POTEC: variants seen among roughly 807,000 people sequenced by gnomAD.
POTEC encodes the protein POTE ankyrin domain family member C, also known as ANKRD26-like family B member 2.
Under a neutral mutation model 62.0 loss-of-function variants are expected in POTEC, and 35 were observed. That is an observed-to-expected ratio of 0.56 (90% confidence interval 0.43 to 0.75). The LOEUF is 0.75. Among genes scored for constraint, POTEC ranks in the 30% least tolerant of loss-of-function variants. The pLI, the probability that POTEC is intolerant of heterozygous loss-of-function variation, is 0.00. For synonymous variants in POTEC, 156 were observed against 221.5 expected (o/e 0.70, Z 2.62); for missense variants, 472 against 655.9 (o/e 0.72, Z 3.06).
rs369818798 is a variant in POTEC at position 14,537,860 on chromosome 18, C to A, written c.751G>T (p.Asp251Tyr). 5.0e-6 allele frequency: 8 copies of A among 1,612,084 alleles called. No individual in the cohort carries two copies. The African/African-American group carries it at 1.1e-4, about 22-fold the overall frequency. ...TTLHYAVHNE[D>Y]KLMAKALLLY... ...AGCAGTGCTTTGGCCATTAATTTAT[C>A]TTCATTGTGGACAGCATAGTGTAGA... The change falls in exon 3 of 11, where the codon GAT becomes TAT. Residue 251 changes from aspartate to tyrosine, a missense_variant. Transcript: ENST00000358970.
chr18:14,541,290 G>A (rs1905923945), intron 1 of POTEC, among the ~76,000 whole-genome samples: 1 of 152,078 alleles, frequency 6.6e-6, no homozygotes, highest in South Asian at 2.1e-4. Flanking sequence ...ATGTGCACAG[G>A]TCACTGGTAG....
chr18:14,538,391 T>C (rs1223992115), intron 1 of POTEC, 142 bp from the exon 2 acceptor site: 1 of 627,720 alleles, frequency 1.6e-6, no homozygotes, highest in Non-Finnish European at 2.8e-6. Flanking sequence ...GCACACTACT[T>C]ATTACCTCTC....
chr18:14,542,232 T>A (rs1905958015), intron 1 of POTEC, among the ~76,000 whole-genome samples: 1 of 152,212 alleles, frequency 6.6e-6, no homozygotes, highest in African/African-American at 2.4e-5. Flanking sequence ...AAATCCATAT[T>A]GGATTTTATT....
chr18:14,529,140 T>C, intron 6 of POTEC: 1 of 376,114 alleles, frequency 2.7e-6, no homozygotes, highest in Non-Finnish European at 5.1e-6. Context: ...TGGCACATAA[T>C]TAATATATAA....
chr18:14,517,563 TAA>T lies in POTEC; in HGVS notation c.1410-3780_1410-3779del, dbSNP rs59611244. On this transcript the variant is annotated intron_variant, in intron 9 of 10. Coordinates refer to ENST00000358970, the MANE Select transcript of POTEC (RefSeq NM_001137671.2). Reference sequence around the variant, plus strand: ...GTGCCACCCTAATTTTTTTTTTTTTTAAAATAAAATACTAGTGGCCAGGCGCA... The same window carrying T: ...GTGCCACCCTAATTTTTTTTTTTTTTAATAAAATACTAGTGGCCAGGCGCA... 8.3e-3 allele frequency among the ~76,000 whole-genome samples: 1,086 copies of T among 131,138 alleles called. 12 individuals are homozygous for T. Among genetic ancestry groups the T allele is most frequent in the African/African-American group, 0.031 (1,037 of 33,002 alleles). 86.0% of individuals were successfully genotyped at this position (131,138 alleles called of 152,430 possible). A position where few individuals can be genotyped will look rare whatever the true frequency, so the allele number is the denominator to read the frequency against.
Position 14,543,125 on chromosome 18 carries a change from T to A in POTEC, c.22A>T (p.Met8Leu), listed in dbSNP as rs1303897831. The change falls in exon 1 of 11, where the codon ATG becomes TTG. Residue 8 changes from methionine (M) to leucine (L), a missense_variant. Physicochemically the swap from Met to Leu is conservative, Grantham distance 15. Around this residue, in one of 5 missense-constraint regions of POTEC, gnomAD observed 257 missense variants for 250.7 expected, o/e 1.03. Coordinates refer to ENST00000358970, the MANE Select transcript of POTEC (RefSeq NM_001137671.2). MVTEVCS[M>L]PAASAVKKPF... ...TTCTTCACAGCAGAGGCAGCGGGCA[T>A]TGAACAAACCTCAGTCACCATCTGC... 3 of 1,613,880 alleles carry A rather than the reference T, an allele frequency of 1.9e-6. No homozygotes were observed. In the South Asian group the frequency reaches 3.3e-5, roughly 18 times the overall value.
In POTEC at chr18:14,529,207, A is replaced by G. The variant is rs868638574; in HGVS notation, c.1126+1276T>C. ...CGAGCACACAGTAAGCACTGAATAA[A>G]GTAGTAAAATAATAAAAATGACAAT... On this transcript the variant is annotated intron_variant, in intron 6 of 10. Coordinates refer to ENST00000358970, the MANE Select transcript of POTEC (RefSeq NM_001137671.2). Among the ~76,000 whole-genome samples the G allele has an allele frequency of 1.1e-4, 16 of 152,208 alleles. No individual in the cohort carries two copies. In the South Asian group the frequency reaches 3.1e-3, roughly 30 times the overall value.
chr18:14,514,336 G>A (rs992712683), intron 9 of POTEC, among the ~76,000 whole-genome samples: 3 of 151,750 alleles, frequency 2.0e-5, no homozygotes, highest in Non-Finnish European at 4.4e-5. Context: ...GACAGAGAGT[G>A]GCTGTAAACA....
Position 14,508,370 on chromosome 18 carries a change from T to C in POTEC, c.*3528A>G, listed in dbSNP as rs1358371450. 6.6e-6 allele frequency: 1 copy of C among 152,632 alleles called. No homozygotes were observed. The highest frequency in any genetic ancestry group is 1.9e-4 in the East Asian group (1 of 5,190). The allele number at this position is 152,632 out of a possible 1,614,324, so 9.5% of individuals were successfully genotyped here. Reference sequence around the variant, plus strand: ...CTTGGTCTATTCTGTTAGATGGTCTTGCACATGAGATGGAGCTGGTCTGAC... The same window carrying C: ...CTTGGTCTATTCTGTTAGATGGTCTCGCACATGAGATGGAGCTGGTCTGAC... On this transcript the variant is annotated 3_prime_UTR_variant, in exon 11 of 11. Coordinates refer to ENST00000358970, the MANE Select transcript of POTEC (RefSeq NM_001137671.2).
In POTEC at chr18:14,527,294, C is replaced by G. The variant is rs116458097; in HGVS notation, c.1127-2311G>C. The stretch of plus-strand genomic sequence containing the variant: ...TATGTTGCTTTGTTTAAAGGAAGAA[C>G]AGAAAAATGCCCTGCTAAAGGGATT... On this transcript the variant is annotated intron_variant, in intron 6 of 10. Transcript: ENST00000358970. Among the ~76,000 whole-genome samples, 468 of 152,222 alleles carry G rather than the reference C, an allele frequency of 3.1e-3. 1 individual carries two copies. The highest frequency in any genetic ancestry group is 0.01 in the African/African-American group (433 of 41,540).
chr18:14,542,682 C>A lies in POTEC; in HGVS notation c.465G>T (p.Lys155Asn). 1 of 1,613,066 alleles carries A rather than the reference C, an allele frequency of 6.2e-7. No individual in the cohort carries two copies. The highest frequency in any genetic ancestry group is 8.5e-7 in the Non-Finnish European group (1 of 1,179,926). Residue 155 changes from lysine (K) to asparagine (N), a missense_variant, in exon 1 of 11, where the codon AAG becomes AAT. By Grantham distance (94) the Lys-to-Asn change is moderately conservative. Coordinates refer to ENST00000358970, the MANE Select transcript of POTEC (RefSeq NM_001137671.2). ...TGTCCCTGAGCATGACGATGAGATC[C>A]TTTCTGGGGACCTTACCCCACCAGG... is the stretch of plus-strand genomic sequence containing the variant. ...RAAWWGKVPR[K>N]DLIVMLRDTD... is the part of the protein sequence containing the mutation.
At position 14,508,233 on chromosome 18, in the gene POTEC, C is replaced by G. The variant is rs1256595528; in HGVS notation, c.*3665G>C. On this transcript the variant is annotated 3_prime_UTR_variant, in exon 11 of 11. Transcript: ENST00000358970. ...TCATAGATTTGGTCGTTTATATAAT[C>G]CCATATTTCTCGGATGTTTTGTTCA... The G allele has an allele frequency of 6.6e-6, 1 of 152,472 alleles. No homozygotes were observed. Among genetic ancestry groups the G allele is most frequent in the East Asian group, 1.9e-4 (1 of 5,194 alleles). 9.4% of individuals were successfully genotyped at this position (152,472 alleles called of 1,614,324 possible). A position where few individuals can be genotyped will look rare whatever the true frequency, so the allele number is the denominator to read the frequency against.
chr18:14,535,631 T>C (rs1405244147), intron 3 of POTEC, among the ~76,000 whole-genome samples: 2 of 151,870 alleles, frequency 1.3e-5, no homozygotes, highest in East Asian at 3.9e-4. Context: ...CCATGGTTTT[T>C]AGTGTTTAAA....
Position 14,533,292 on chromosome 18 carries a change from G to A in POTEC, c.918-94C>T, listed in dbSNP as rs149678320. On this transcript the variant is annotated intron_variant, in intron 4 of 10. Coordinates refer to ENST00000358970, the MANE Select transcript of POTEC (RefSeq NM_001137671.2). ...ACTTTACCAATTTAACATCTTGCCTGTCCATGCAGAATCAAACATTTACAT... is the reference window on the plus strand; with the variant it reads ...ACTTTACCAATTTAACATCTTGCCTATCCATGCAGAATCAAACATTTACAT... The A allele has an allele frequency of 8.3e-4, 1,295 of 1,551,542 alleles. 11 individuals carry two copies. In the African/African-American group the frequency reaches 0.014, roughly 16 times the overall value.
intron 6 of POTEC, among the ~76,000 whole-genome samples, chr18:14,526,579 G>T (rs2143137558): frequency 6.6e-6 from 1 of 152,212 alleles, no homozygotes; most frequent in South Asian, 2.1e-4. Flanking sequence ...AAAAGTGGTA[G>T]AGGGCAAGAA....
At chr18:14,515,851 A>T (rs1250868416) in intron 9 of POTEC, among the ~76,000 whole-genome samples, 3 of 151,942 alleles carry the variant, frequency 2.0e-5, no homozygotes, top group South Asian at 4.2e-4. Flanking sequence ...AATTCCATTA[A>T]AAAGTGGGCA....
At chr18:14,525,453 C>A (rs900327843) in intron 6 of POTEC, among the ~76,000 whole-genome samples, 7 of 151,986 alleles carry the variant, frequency 4.6e-5, no homozygotes, top group Non-Finnish European at 8.8e-5. Context: ...CTCCAGACAT[C>A]CCAGAGAAAA....
intron 9 of POTEC, among the ~76,000 whole-genome samples, chr18:14,517,784 C>A (rs1428891063): frequency 6.6e-6 from 1 of 152,106 alleles, no homozygotes; most frequent in Non-Finnish European, 1.5e-5. Flanking sequence ...AATGCATGAA[C>A]CAGAAGGTGG....
chr18:14,518,490 A>T lies in POTEC; in HGVS notation c.1409+3764T>A, dbSNP rs1339366912. ...AGGTTAACAGCGTTGATGTCAAGAT[A>T]CAAATGGGTTTGAAGTTAGAGATGA... On this transcript the variant is annotated intron_variant, in intron 9 of 10. Transcript: ENST00000358970. 5.3e-5 allele frequency among the ~76,000 whole-genome samples: 8 copies of T among 151,244 alleles called. No homozygotes were observed. In the East Asian group the frequency reaches 1.6e-3, roughly 29 times the overall value.
Sources: allele counts gnomAD v4.1 joint callset (sites outside exome capture counted in the v4.1 genomes callset), GRCh38; gene constraint gnomAD v4.1.1; regional missense constraint gnomAD v4.1.1; transcripts MANE v1.5; gene names NCBI Gene and HGNC (gene_info 2026-07-23, HGNC 2026-07-21).